The following CLVS1 variants were observed in gnomAD, a reference collection of about 807,000 sequenced individuals.
CLVS1 encodes the protein clavesin 1, also known as clavesin-1.
CLVS1 carries 10 observed loss-of-function variants against 33.1 expected under a neutral mutation model. The observed-to-expected ratio is 0.30, with a 90% CI of 0.19 to 0.51. The LOEUF (loss-of-function observed/expected upper bound fraction) is 0.51, where lower values mean the gene tolerates loss of function less well. CLVS1 is among the 20% of genes least tolerant of loss of function. The pLI is 0.97. For synonymous variants in CLVS1, 163 were observed against 166.1 expected (o/e 0.98, Z 0.14); for missense variants, 343 against 433.4 (o/e 0.79, Z 1.85).
At chr8:61,030,062 T>G in the CLVS1 span, among the ~76,000 whole-genome samples, 1 of 152,210 alleles carries the variant, frequency 6.6e-6, no homozygotes, top group Non-Finnish European at 1.5e-5. Flanking sequence ...CTCTGCACCC[T>G]GTGGGCTGAT....
chr8:61,031,434 G>A, the CLVS1 span, among the ~76,000 whole-genome samples: 3 of 152,158 alleles, frequency 2.0e-5, no homozygotes, highest in African/African-American at 7.2e-5. Flanking sequence ...CTCCAGCTCT[G>A]TCTGTCTCCA....
intron 2 of CLVS1, among the ~76,000 whole-genome samples, chr8:61,189,324 G>A (rs1807411654): frequency 6.6e-6 from 1 of 152,162 alleles, no homozygotes; most frequent in African/African-American, 2.4e-5. Flanking sequence ...AGCAAATGCT[G>A]AGAGATTTTG....
At chr8:61,477,792 A>G (rs1362238148) in intron 5 of CLVS1, among the ~76,000 whole-genome samples, 1 of 151,766 alleles carries the variant, frequency 6.6e-6, no homozygotes, top group Non-Finnish European at 1.5e-5. Flanking sequence ...TTGTGTCTCT[A>G]TGTCCTTCAT....
the CLVS1 span, among the ~76,000 whole-genome samples, chr8:61,000,283 A>T: frequency 5.3e-5 from 8 of 152,352 alleles, no homozygotes; most frequent in South Asian, 1.7e-3. Context: ...TCATGAGACA[A>T]AAAGGAAAGG....
intron 1 of CLVS1, among the ~76,000 whole-genome samples, chr8:61,070,860 A>G (rs1804781401): frequency 6.6e-6 from 1 of 152,198 alleles, no homozygotes. Flanking sequence ...TAAAAAAGAA[A>G]TAGAGACTTG....
chr8:61,321,912 TC>T (rs1811205619), intron 2 of CLVS1, among the ~76,000 whole-genome samples: 1 of 152,182 alleles, frequency 6.6e-6, no homozygotes, highest in Admixed American at 6.5e-5. Flanking sequence ...CAATCCCTCT[TC>T]CTACTTGTAC....
chr8:61,416,462 T>C (rs1815443039), intron 3 of CLVS1, among the ~76,000 whole-genome samples: 1 of 152,188 alleles, frequency 6.6e-6, no homozygotes, highest in African/African-American at 2.4e-5. Context: ...CCTTCATTCT[T>C]CTCTATTTTT....
chr8:60,977,776 C>A, the CLVS1 span, among the ~76,000 whole-genome samples: 4 of 152,202 alleles, frequency 2.6e-5, no homozygotes, highest in African/African-American at 9.6e-5. Context: ...CTTTCCTAAT[C>A]TGAGGAAATA....
At chr8:61,447,267 A>G (rs1816788722) in intron 3 of CLVS1, among the ~76,000 whole-genome samples, 1 of 152,022 alleles carries the variant, frequency 6.6e-6, no homozygotes, top group South Asian at 2.1e-4. Context: ...CAGCCTATAT[A>G]TTTATATTTG....
intron 5 of CLVS1, among the ~76,000 whole-genome samples, chr8:61,481,582 A>C (rs1448972380): frequency 6.6e-6 from 1 of 152,196 alleles, no homozygotes; most frequent in Admixed American, 6.5e-5. Flanking sequence ...TCCCACACCC[A>C]CAGAGCCTCA....
chr8:61,494,039 A>G (rs145195134), intron 5 of CLVS1, among the ~76,000 whole-genome samples: 10 of 152,346 alleles, frequency 6.6e-5, no homozygotes, highest in African/African-American at 2.4e-4. Context: ...TGTTGAGATA[A>G]GGTAGCTAAA....
At chr8:61,354,548 G>A (rs1202098721) in intron 2 of CLVS1, among the ~76,000 whole-genome samples, 1 of 152,026 alleles carries the variant, frequency 6.6e-6, no homozygotes, top group Admixed American at 6.6e-5. Flanking sequence ...CAGCACCTTT[G>A]TTTGTAATAG....
chr8:61,455,074 A>T (rs1231351455), intron 4 of CLVS1, among the ~76,000 whole-genome samples: 2 of 151,978 alleles, frequency 1.3e-5, no homozygotes. Flanking sequence ...TAAATATTGG[A>T]TATATTTAAG....
chr8:61,115,871 G>A (rs1166201697), intron 1 of CLVS1, among the ~76,000 whole-genome samples: 1 of 146,812 alleles, frequency 6.8e-6, no homozygotes, highest in Non-Finnish European at 1.5e-5. Flanking sequence ...ATGATTTATA[G>A]TCCTTTGGGT....
the CLVS1 span, among the ~76,000 whole-genome samples, chr8:61,032,318 G>A: frequency 6.6e-6 from 1 of 152,174 alleles, no homozygotes; most frequent in Admixed American, 6.5e-5. Flanking sequence ...TTCATGATTG[G>A]AGCACCTCCT....
At chr8:61,275,302 C>T (rs989581860) in intron 2 of CLVS1, among the ~76,000 whole-genome samples, 2 of 152,064 alleles carry the variant, frequency 1.3e-5, no homozygotes, top group African/African-American at 2.4e-5. Context: ...ATGCTACCTG[C>T]CTGGCACCTA....
intron 2 of CLVS1, among the ~76,000 whole-genome samples, chr8:61,276,475 A>T (rs1483294758): frequency 6.6e-6 from 1 of 152,232 alleles, no homozygotes; most frequent in East Asian, 1.9e-4. Flanking sequence ...ACTTCTGGCA[A>T]CATTCTCTTG....
chr8:61,093,755 C>T (rs1805296923), intron 1 of CLVS1, among the ~76,000 whole-genome samples: 2 of 152,210 alleles, frequency 1.3e-5, no homozygotes, highest in African/African-American at 4.8e-5. Context: ...AGCAAGAAAT[C>T]ACTGCATTTA....
At chr8:61,184,783 T>G (rs1307647553) in intron 2 of CLVS1, among the ~76,000 whole-genome samples, 1 of 152,208 alleles carries the variant, frequency 6.6e-6, no homozygotes, top group Non-Finnish European at 1.5e-5. Context: ...ATGCAAGTGA[T>G]AGCAGACCGT....
Sources: allele counts gnomAD v4.1 joint callset (sites outside exome capture counted in the v4.1 genomes callset), GRCh38; gene constraint gnomAD v4.1.1; transcripts MANE v1.5; gene names NCBI Gene and HGNC (gene_info 2026-07-23, HGNC 2026-07-21).